IGF1R: variants seen among roughly 807,000 people sequenced by gnomAD.
The protein encoded by IGF1R is insulin like growth factor 1 receptor.
In IGF1R, 44 loss-of-function variants were observed where a neutral mutation model predicts 144.6. That is an observed-to-expected ratio of 0.30 (90% CI 0.24 to 0.39). The LOEUF (loss-of-function observed/expected upper bound fraction) is 0.39. IGF1R is among the 10% of genes least tolerant of loss of function. IGF1R has a pLI of 1.00. For missense variants in IGF1R, 1,355 were observed against 1,833.7 expected (o/e 0.74, Z 4.77); for synonymous variants, 795 against 722.8 (o/e 1.10, Z -1.60).
rs1247717553 is a variant in IGF1R at position 98,911,333 on chromosome 15, A to G, written c.1481A>G (p.His494Arg). 6.2e-7 allele frequency: 1 copy of G among 1,613,980 alleles called. No homozygotes were observed. The highest frequency in any genetic ancestry group is 2.2e-5 in the East Asian group (1 of 44,874). ...GCCCCAGGTGAAAGTGACGTCCTGC[A>G]TTTCACCTCCACCACCACGTCGAAG... ...ERASCESDVLHFTSTTTSKNR... is the reference protein window; with the variant it reads ...ERASCESDVLRFTSTTTSKNR... The change falls in exon 7 of 21, where the codon CAT becomes CGT. Residue 494 changes from histidine (H) to arginine (R), a missense_variant. This residue lies in a region of IGF1R where 880 missense variants were observed against 1,202.7 expected (regional missense o/e 0.73). Transcript: ENST00000650285.
chr15:98,756,008 G>A (rs1189906249), intron 2 of IGF1R, among the ~76,000 whole-genome samples: 1 of 152,112 alleles, frequency 6.6e-6, no homozygotes, highest in East Asian at 1.9e-4. Context: ...TGCATTCCTG[G>A]AATAAGCCCT....
Position 98,726,506 on chromosome 15 carries a change from G to A in IGF1R, c.640+18399G>A, listed in dbSNP as rs557559795. ...ATGATGTGGGTTCTATTAGCATGGC[G>A]CCCTCCCTCCCTTCCTACCACCTTT... is the stretch of plus-strand genomic sequence containing the variant. On this transcript the variant is annotated intron_variant, in intron 2 of 20. Transcript: ENST00000650285. 1.8e-4 allele frequency among the ~76,000 whole-genome samples: 28 copies of A among 152,132 alleles called. No homozygotes were observed. In the South Asian group the frequency reaches 5.4e-3, roughly 29 times the overall value.
intron 2 of IGF1R, among the ~76,000 whole-genome samples, chr15:98,813,659 T>C (rs1258551518): frequency 6.6e-6 from 1 of 152,232 alleles, no homozygotes; most frequent in Non-Finnish European, 1.5e-5. Context: ...CGTACCTGAA[T>C]AGCAGTAAAC....
chr15:98,840,255 G>A (rs1454733429), intron 2 of IGF1R, among the ~76,000 whole-genome samples: 2 of 152,188 alleles, frequency 1.3e-5, no homozygotes, highest in Admixed American at 1.3e-4. Context: ...GCCTCGTGAT[G>A]AAAGATACTG....
chr15:98,686,346 C>G (rs35868894), intron 1 of IGF1R, among the ~76,000 whole-genome samples: 1 of 152,200 alleles, frequency 6.6e-6, no homozygotes, highest in Admixed American at 6.5e-5. Flanking sequence ...GTTGCTCCCC[C>G]GCTTTGGCTA....
At chr15:98,942,269 G>A (rs45508498) in intron 18 of IGF1R, among the ~76,000 whole-genome samples, 13,355 of 152,192 alleles carry the variant, frequency 0.088, 735 homozygotes, top group Non-Finnish European at 0.12. Flanking sequence ...TAAATGACCA[G>A]TGGTCTCTGC....
chr15:98,649,498 T>A lies in IGF1R; in HGVS notation c.-84T>A. ...AAGACTGAGTTTGAGACTTGTTTCC[T>A]TTCATTTCCTTTTTTTCTTTTCTTT... is the stretch of plus-strand genomic sequence containing the variant. On this transcript the variant is annotated 5_prime_UTR_variant, in exon 1 of 21. Transcript: ENST00000650285. 1 of 977,736 alleles carries A rather than the reference T, an allele frequency of 1.0e-6. No individual in the cohort carries two copies. Among genetic ancestry groups the A allele is most frequent in the Non-Finnish European group, 1.6e-6 (1 of 640,430 alleles). The allele number at this position is 977,736 out of a possible 1,614,324, so 60.6% of individuals were successfully genotyped here.
At chr15:98,777,847 T>C (rs957606886) in intron 2 of IGF1R, among the ~76,000 whole-genome samples, 42 of 152,368 alleles carry the variant, frequency 2.8e-4, no homozygotes, top group African/African-American at 9.6e-4. Context: ...GGCACACGTT[T>C]ACTGTAAGGG....
At chr15:98,739,937 C>T (rs372307678) in intron 2 of IGF1R, among the ~76,000 whole-genome samples, 4 of 152,174 alleles carry the variant, frequency 2.6e-5, no homozygotes, top group South Asian at 2.1e-4. Context: ...GTGATCTGAA[C>T]AGGATTCCTG....
At chr15:98,676,426 G>GCTC (rs2141206536) in intron 1 of IGF1R, among the ~76,000 whole-genome samples, 1 of 152,232 alleles carries the variant, frequency 6.6e-6, no homozygotes, top group South Asian at 2.1e-4. Flanking sequence ...GTGAGCCACC[G>GCTC]CTCCTGGCCG....
rs1052771972 is a variant in IGF1R at position 98,651,134 on chromosome 15, A to G, written c.94+1459A>G. The G allele has an allele frequency of 2.4e-5, 21 of 892,164 alleles. No homozygotes were observed. The African/African-American group carries it at 2.7e-4, about 11-fold the overall frequency. The allele number at this position is 892,164 out of a possible 1,614,324, so 55.3% of individuals were successfully genotyped here. A position where few individuals can be genotyped will look rare whatever the true frequency, so the allele number is the denominator to read the frequency against. On this transcript the variant is annotated intron_variant, in intron 1 of 20. Transcript: ENST00000650285. Reference sequence around the variant, plus strand: ...GGTGGTGCCGATTAACTTTGAAAAAATCACGACTGAGCCTTCACGAGTGAG... The same window carrying G: ...GGTGGTGCCGATTAACTTTGAAAAAGTCACGACTGAGCCTTCACGAGTGAG...
chr15:98,740,558 A>G (rs1416235972), intron 2 of IGF1R, among the ~76,000 whole-genome samples: 2 of 152,392 alleles, frequency 1.3e-5, no homozygotes, highest in East Asian at 3.9e-4. Context: ...GATACAAGAA[A>G]TCGATGTGTC....
intron 2 of IGF1R, among the ~76,000 whole-genome samples, chr15:98,811,537 A>AG: frequency 6.6e-6 from 1 of 151,438 alleles, no homozygotes; most frequent in South Asian, 2.1e-4. Flanking sequence ...CTCAAAAAAA[A>AG]AAAAAAAGTT....
intron 10 of IGF1R, among the ~76,000 whole-genome samples, chr15:98,920,931 G>A (rs755482257): frequency 3.9e-5 from 6 of 152,156 alleles, no homozygotes; most frequent in East Asian, 3.9e-4. Flanking sequence ...GAAGCCTGCC[G>A]AGCGTCAGCC....
At chr15:98,840,839 C>T (rs1298837544) in intron 2 of IGF1R, among the ~76,000 whole-genome samples, 1 of 152,088 alleles carries the variant, frequency 6.6e-6, no homozygotes, top group Admixed American at 6.6e-5. Context: ...TGCCACCACG[C>T]CTGGCTAACT....
chr15:98,875,351 T>TTTC (rs1596383882), intron 2 of IGF1R, among the ~76,000 whole-genome samples: 1 of 142,508 alleles, frequency 7.0e-6, no homozygotes, highest in Non-Finnish European at 1.6e-5. Context: ...TTTCTTTTCT[T>TTTC]TTTTTTTTTT....
chr15:98,916,720 A>G lies in IGF1R; in HGVS notation c.2045A>G (p.Glu682Gly), dbSNP rs540191182. The change falls in exon 10 of 21, where the codon GAG becomes GGG. Residue 682 changes from glutamate to glycine, a missense_variant. Coordinates refer to ENST00000650285, the MANE Select transcript of IGF1R (RefSeq NM_000875.5). ...GCCGACGGCACCATCGACATTGAGG[A>G]GGTCACAGAGAACCCCAAGACTGAG... ...KYADGTIDIEEVTENPKTEVC... is the reference protein window; with the variant it reads ...KYADGTIDIEGVTENPKTEVC... The G allele has an allele frequency of 5.0e-6, 8 of 1,614,100 alleles. No individual in the cohort carries two copies. The South Asian group carries it at 8.8e-5, about 18-fold the overall frequency.
intron 5 of IGF1R, 152 bp from the exon 6 acceptor site, chr15:98,908,533 G>A (rs2014841573): frequency 1.5e-6 from 1 of 683,710 alleles, no homozygotes; most frequent in Admixed American, 2.1e-5. Flanking sequence ...GCAACTGTCT[G>A]TTCTCCTATA....
At chr15:98,860,723 C>T (rs8030777) in intron 2 of IGF1R, among the ~76,000 whole-genome samples, 59,396 of 151,934 alleles carry the variant, frequency 0.39, 13,312 homozygotes, top group East Asian at 0.8. Flanking sequence ...TTTGGTTTTA[C>T]CATTTTTATG....
Sources: allele counts gnomAD v4.1 joint callset (sites outside exome capture counted in the v4.1 genomes callset), GRCh38; gene constraint gnomAD v4.1.1; regional missense constraint gnomAD v4.1.1; transcripts MANE v1.5; gene names NCBI Gene and HGNC (gene_info 2026-07-23, HGNC 2026-07-21).